Variants in IGF2R observed in about 807,000 individuals in gnomAD.
IGF2R encodes cation-independent mannose-6-phosphate receptor.
A neutral mutation model predicts 270.6 loss-of-function variants in IGF2R; 91 were observed. The ratio of observed to expected loss-of-function variants is 0.34; its 90% CI spans 0.28 to 0.40. The LOEUF is 0.40. Ranked by LOEUF, IGF2R falls within the 10% of genes least tolerant of loss-of-function variation. IGF2R has a pLI of 1.00. For synonymous variants in IGF2R, 1,316 were observed against 1,258.9 expected (o/e 1.05, Z -0.96); for missense variants, 2,805 against 3,188.3 (o/e 0.88, Z 2.90).
At chr6:159,991,014 C>G (rs1355365998) in intron 1 of IGF2R, among the ~76,000 whole-genome samples, 170 bp from the exon 2 acceptor site, 1 of 152,140 alleles carries the variant, frequency 6.6e-6, no homozygotes, top group African/African-American at 2.4e-5. Context: ...TAGTTTCTGC[C>G]CTGGCTTCTT....
At chr6:160,068,064 G>GT (rs748389148) in intron 29 of IGF2R, among the ~76,000 whole-genome samples, 185 bp from the exon 30 acceptor site, 7,310 of 64,146 alleles carry the variant, frequency 0.11, 239 homozygotes, top group Middle Eastern at 0.21. Context: ...TTCTGATGGG[G>GT]GGTGTGTGTG....
At chr6:160,035,044 A>G (rs1777785659) in intron 10 of IGF2R, among the ~76,000 whole-genome samples, 1 of 152,180 alleles carries the variant, frequency 6.6e-6, no homozygotes, top group Non-Finnish European at 1.5e-5. Flanking sequence ...TGAGTCACCA[A>G]GGCACTGGCA....
At chr6:160,038,502 G>A (rs1179441843) in intron 10 of IGF2R, among the ~76,000 whole-genome samples, 1 of 152,238 alleles carries the variant, frequency 6.6e-6, no homozygotes, top group East Asian at 1.9e-4. Context: ...AAAGTACTAG[G>A]ACGATTTGTA....
At position 160,063,395 on chromosome 6, in the gene IGF2R, C is replaced by T; in HGVS notation, c.3671-20C>T. On this transcript the variant is annotated intron_variant, in intron 26 of 47. Coordinates refer to ENST00000356956, the MANE Select transcript of IGF2R (RefSeq NM_000876.4). The stretch of plus-strand genomic sequence containing the variant: ...CGTGTGTGGTTGCAGTTGCCCTTCA[C>T]TTCTTCCATGTTCTTGAAGGGGACA... 6.3e-7 allele frequency: 1 copy of T among 1,594,438 alleles called. No individual in the cohort carries two copies. Among genetic ancestry groups the T allele is most frequent in the Non-Finnish European group, 8.6e-7 (1 of 1,163,978 alleles).
intron 1 of IGF2R, among the ~76,000 whole-genome samples, chr6:159,975,674 TTATA>T (rs1365878360): frequency 1.5e-5 from 2 of 129,850 alleles, no homozygotes; most frequent in Non-Finnish European, 3.2e-5. Flanking sequence ...CATACATGTA[TTATA>T]TATATTTATA....
intron 19 of IGF2R, among the ~76,000 whole-genome samples, chr6:160,051,624 C>T (rs565216883): frequency 1.3e-5 from 2 of 151,980 alleles, no homozygotes; most frequent in African/African-American, 4.8e-5. Context: ...TGTGGGTGAA[C>T]GATGAGGGCT....
intron 41 of IGF2R, among the ~76,000 whole-genome samples, chr6:160,085,904 C>T (rs1289806798): frequency 1.3e-5 from 2 of 152,214 alleles, no homozygotes; most frequent in Non-Finnish European, 2.9e-5. Flanking sequence ...CAGCCTGAGA[C>T]CCGCCCTCCC....
At chr6:160,047,977 C>T (rs111459506) in intron 17 of IGF2R, 70 bp downstream of exon 17, 9 of 1,014,090 alleles carry the variant, frequency 8.9e-6, no homozygotes, top group African/African-American at 3.2e-5. Flanking sequence ...TGCTGGTGAG[C>T]GTGTGACTGA....
chr6:160,002,017 G>A (rs985862158), intron 2 of IGF2R, among the ~76,000 whole-genome samples: 6 of 151,988 alleles, frequency 3.9e-5, no homozygotes, highest in African/African-American at 1.5e-4. Flanking sequence ...AACATAAATA[G>A]TCGATCAACA....
chr6:159,994,689 G>T (rs1335085832), intron 2 of IGF2R, among the ~76,000 whole-genome samples: 1 of 151,976 alleles, frequency 6.6e-6, no homozygotes, highest in African/African-American at 2.4e-5. Flanking sequence ...TCCTAACTTT[G>T]TCATTGACCC....
Position 160,089,124 on chromosome 6 carries a change from G to C in IGF2R, c.6338G>C (p.Cys2113Ser). 6.2e-7 allele frequency: 1 copy of C among 1,613,944 alleles called. No homozygotes were observed. The highest frequency in any genetic ancestry group is 8.5e-7 in the Non-Finnish European group (1 of 1,179,868). The change falls in exon 43 of 48, where the codon TGC becomes TCC. Residue 2113 changes from cysteine (C) to serine (S), a missense_variant. Cys to Ser is a moderately radical substitution (Grantham distance 112). Around this residue, in one of 2 missense-constraint regions of IGF2R, gnomAD observed 1,851 missense variants for 2,207.2 expected, o/e 0.84. Transcript: ENST00000356956. The stretch of plus-strand genomic sequence containing the variant: ...CCTCCTAGGTTTGATATCGACAGCT[G>C]CACTTACTACTTCAGCTGGGACTCC... ...PAFKRFDIDS[C>S]TYYFSWDSRA...
chr6:160,049,050 A>T (rs1778135895), intron 18 of IGF2R, among the ~76,000 whole-genome samples: 1 of 152,150 alleles, frequency 6.6e-6, no homozygotes, highest in South Asian at 2.1e-4. Flanking sequence ...GGTGAATCTT[A>T]AAAGAGATGT....
chr6:160,026,962 T>G (rs1694369126), intron 5 of IGF2R, among the ~76,000 whole-genome samples: 1 of 152,190 alleles, frequency 6.6e-6, no homozygotes, highest in African/African-American at 2.4e-5. Context: ...CATAACCTGT[T>G]TCCTGTGCAC....
chr6:160,028,270 G>A (rs1777610520), intron 6 of IGF2R, among the ~76,000 whole-genome samples: 1 of 152,144 alleles, frequency 6.6e-6, no homozygotes, highest in African/African-American at 2.4e-5. Context: ...GTCTGTGTCC[G>A]AATCTCCTCT....
chr6:160,047,878 C>G lies in IGF2R; in HGVS notation c.2316C>G (p.Pro772=), dbSNP rs1419160700. Residue 772 remains proline, a synonymous_variant, in exon 17 of 48, where the codon CCC becomes CCG. Transcript: ENST00000356956. ...CCCTGGAATGCGTAGTGACCGACCCCTCCACGCTGGAGCAGTACGACCTCT... is the reference window on the plus strand; with the variant it reads ...CCCTGGAATGCGTAGTGACCGACCCGTCCACGCTGGAGCAGTACGACCTCT... ...EEPLECVVTD[P]STLEQYDLSS... 1.9e-6 allele frequency: 3 copies of G among 1,613,680 alleles called. No individual in the cohort carries two copies. The highest frequency in any genetic ancestry group is 1.3e-5 in the African/African-American group (1 of 75,042).
chr6:160,083,840 G>C, intron 39 of IGF2R, 110 bp from the exon 40 acceptor site: 1 of 780,132 alleles, frequency 1.3e-6, no homozygotes, highest in South Asian at 1.6e-5. Flanking sequence ...TCTCAGCAAA[G>C]CAATTGTTTA....
At position 160,101,871 on chromosome 6, in the gene IGF2R, G is replaced by A. The variant is rs8191937; in HGVS notation, c.6843-648G>A. ...CTTTTTCCCACAAGTGTGCATGTGG[G>A]TCTTGGGTGGGAATGGTGAACTCCG... On this transcript the variant is annotated intron_variant, in intron 45 of 47. Coordinates refer to ENST00000356956, the MANE Select transcript of IGF2R (RefSeq NM_000876.4). Among the ~76,000 whole-genome samples the A allele has an allele frequency of 7.2e-3, 1,090 of 152,348 alleles. 14 individuals carry two copies. The highest frequency in any genetic ancestry group is 0.024 in the African/African-American group (1,008 of 41,586).
intron 44 of IGF2R, chr6:160,093,792 A>G (rs1779284573): frequency 1.4e-6 from 1 of 740,432 alleles, no homozygotes. Context: ...AAAGATAACA[A>G]GATCTCTCGT....
rs374255645 is a variant in IGF2R at position 160,044,432 on chromosome 6, C to CT, written c.1622-72dup. On this transcript the variant is annotated intron_variant, in intron 12 of 47. Coordinates refer to ENST00000356956, the MANE Select transcript of IGF2R (RefSeq NM_000876.4). ...TTTCTTTCTTTCTTTCTCTTTCTTT[C>CT]TTTTTTTTTTAAGTCACTTCTTTGT... 7.6e-3 allele frequency: 7,863 copies of CT among 1,036,822 alleles called. 16 individuals are homozygous for CT. Among genetic ancestry groups the CT allele is most frequent in the Middle Eastern group, 0.011 (33 of 3,044 alleles). 64.2% of individuals were successfully genotyped at this position (1,036,822 alleles called of 1,614,324 possible).
Sources: gnomAD v4.1 joint callset for allele counts (sites outside exome capture counted in the v4.1 genomes callset) on GRCh38, gnomAD v4.1.1 for gene constraint, gnomAD v4.1.1 regional missense constraint, MANE v1.5 for transcripts, NCBI Gene and HGNC (gene_info 2026-07-23, HGNC 2026-07-21) for gene names.